The following TMEM62 variants were observed in gnomAD, a reference collection of about 807,000 sequenced individuals.
TMEM62 encodes the protein transmembrane protein 62.
TMEM62 carries 41 observed loss-of-function variants against 70.4 expected under a neutral mutation model. The ratio of observed to expected loss-of-function variants is 0.58; its 90% CI spans 0.45 to 0.76. The LOEUF (loss-of-function observed/expected upper bound fraction) is 0.76, where lower values mean the gene tolerates loss of function less well. TMEM62 is among the 30% of genes least tolerant of loss of function. The pLI is 0.00. For missense variants in TMEM62, 688 were observed against 788.5 expected, an observed-to-expected ratio of 0.87 and a Z score of 1.53; for synonymous variants, 268 against 291.0, an observed-to-expected ratio of 0.92 and a Z score of 0.80.
chr15:43,150,237 G>A (rs1047497635), intron 7 of TMEM62, among the ~76,000 whole-genome samples: 70 of 152,214 alleles, frequency 4.6e-4, no homozygotes, highest in African/African-American at 1.6e-3. Context: ...TAATTATTTG[G>A]CAACTATAAT....
chr15:43,142,731 C>T (rs987004220), intron 4 of TMEM62, among the ~76,000 whole-genome samples: 10 of 151,534 alleles, frequency 6.6e-5, no homozygotes, highest in African/African-American at 1.9e-4. Context: ...TGCAATGGCG[C>T]GATCTCAGCT....
chr15:43,142,314 T>C (rs2036139207), intron 4 of TMEM62, among the ~76,000 whole-genome samples: 1 of 151,544 alleles, frequency 6.6e-6, no homozygotes, highest in African/African-American at 2.4e-5. Context: ...TACAGGCGCC[T>C]GCCACCATGA....
chr15:43,149,884 G>A (rs2037159183), intron 7 of TMEM62, among the ~76,000 whole-genome samples: 1 of 152,090 alleles, frequency 6.6e-6, no homozygotes, highest in Non-Finnish European at 1.5e-5. Flanking sequence ...ATGATAGTTG[G>A]CTTTTTTAAG....
chr15:43,165,472 G>GCCTGTAATC, intron 10 of TMEM62, among the ~76,000 whole-genome samples: 1 of 152,162 alleles, frequency 6.6e-6, no homozygotes, highest in South Asian at 2.1e-4. Context: ...GGTGGCTCAC[G>GCCTGTAATC]CCTGTAATCC....
At chr15:43,167,274 C>G (rs2039588291) in intron 10 of TMEM62, among the ~76,000 whole-genome samples, 2 of 151,726 alleles carry the variant, frequency 1.3e-5, no homozygotes, top group South Asian at 4.2e-4. Flanking sequence ...GACCCCCCCA[C>G]CTCCCTCCCG....
chr15:43,134,408 C>T (rs779573642), intron 2 of TMEM62, 40 bp downstream of exon 2: 2 of 1,507,660 alleles, frequency 1.3e-6, no homozygotes, highest in Admixed American at 3.4e-5. Flanking sequence ...GTCTGTGGTC[C>T]GCATGGTAGA....
At chr15:43,149,511 T>TC (rs1250701728) in intron 7 of TMEM62, among the ~76,000 whole-genome samples, 4 of 151,984 alleles carry the variant, frequency 2.6e-5, no homozygotes, top group Admixed American at 6.6e-5. Flanking sequence ...ATTACATTTT[T>TC]TTTTTTTTTT....
At chr15:43,148,670 T>A (rs1248060532) in intron 5 of TMEM62, 85 bp from the exon 6 acceptor site, 5 of 1,463,732 alleles carry the variant, frequency 3.4e-6, no homozygotes, top group Non-Finnish European at 4.6e-6. Flanking sequence ...TTATTATAAA[T>A]CTTCAGAGGA....
chr15:43,152,103 C>A (rs917612297), intron 8 of TMEM62, among the ~76,000 whole-genome samples, 158 bp downstream of exon 8: 3 of 152,136 alleles, frequency 2.0e-5, no homozygotes, highest in Admixed American at 2.0e-4. Flanking sequence ...GTTTTGTTTC[C>A]ATTAAGTTAA....
intron 9 of TMEM62, among the ~76,000 whole-genome samples, chr15:43,160,057 T>C (rs1299618374): frequency 1.3e-5 from 2 of 151,940 alleles, no homozygotes; most frequent in South Asian, 2.1e-4. Flanking sequence ...CAAGCTCTTC[T>C]TCCTGGGTTC....
intron 5 of TMEM62, 22 bp from the exon 6 acceptor site, chr15:43,148,733 T>G (rs140159808): frequency 6.2e-7 from 1 of 1,608,712 alleles, no homozygotes; most frequent in Non-Finnish European, 8.5e-7. Flanking sequence ...TTTAAGATCC[T>G]TCCATTTTTC....
At chr15:43,148,674 C>A in intron 5 of TMEM62, 81 bp from the exon 6 acceptor site, 2 of 1,495,592 alleles carry the variant, frequency 1.3e-6, no homozygotes, top group Non-Finnish European at 1.8e-6. Context: ...TATAAATCTT[C>A]AGAGGAGTTT....
At chr15:43,181,541 G>A (rs1019919428) in intron 13 of TMEM62, among the ~76,000 whole-genome samples, 14 of 152,046 alleles carry the variant, frequency 9.2e-5, no homozygotes, top group African/African-American at 2.4e-4. Flanking sequence ...TTCTGCTGTC[G>A]CCCAGGCTGA....
intron 9 of TMEM62, among the ~76,000 whole-genome samples, chr15:43,159,146 A>G (rs1379371131): frequency 6.6e-6 from 1 of 152,220 alleles, no homozygotes. Context: ...TCTGTGGGTT[A>G]CATGAGGTGT....
intron 13 of TMEM62, among the ~76,000 whole-genome samples, chr15:43,183,610 C>T (rs1348702491): frequency 6.6e-6 from 1 of 152,090 alleles, no homozygotes; most frequent in East Asian, 1.9e-4. Context: ...TTCTTTCCTT[C>T]ATTGAACTAA....
At chr15:43,153,215 C>CT (rs559495777) in intron 8 of TMEM62, among the ~76,000 whole-genome samples, 17 of 150,812 alleles carry the variant, frequency 1.1e-4, no homozygotes, top group African/African-American at 2.9e-4. Context: ...TGCTCAATCC[C>CT]TTTTTTTTTG....
chr15:43,153,383 C>T (rs1229506363), intron 8 of TMEM62, among the ~76,000 whole-genome samples: 1 of 152,138 alleles, frequency 6.6e-6, no homozygotes, highest in Non-Finnish European at 1.5e-5. Context: ...TATCCATTTC[C>T]AGAACATTTA....
In TMEM62 at chr15:43,172,844, A is replaced by G. The variant is rs2040341575; in HGVS notation, c.1381+3167A>G. The stretch of plus-strand genomic sequence containing the variant: ...ATAGACTATCAAAAATAAAGACCTT[A>G]CAGGAAGACCTTACTACAGTTTTTA... On this transcript the variant is annotated intron_variant, in intron 11 of 13. Transcript: ENST00000260403. 1.3e-5 allele frequency among the ~76,000 whole-genome samples: 2 copies of G among 152,234 alleles called. 1 individual carries two copies. Among genetic ancestry groups the G allele is most frequent in the South Asian group, 4.1e-4 (2 of 4,836 alleles).
intron 11 of TMEM62, among the ~76,000 whole-genome samples, chr15:43,172,643 C>T (rs1051778219): frequency 6.6e-6 from 1 of 151,974 alleles, no homozygotes; most frequent in Non-Finnish European, 1.5e-5. Flanking sequence ...ATCAGTAAAC[C>T]CAGGCAAAAA....
Sources: allele counts gnomAD v4.1 joint callset (sites outside exome capture counted in the v4.1 genomes callset), GRCh38; gene constraint gnomAD v4.1.1; transcripts MANE v1.5; gene names NCBI Gene and HGNC (gene_info 2026-07-23, HGNC 2026-07-21).